Variants in KIRREL3 observed in about 807,000 individuals in gnomAD.
KIRREL3 encodes kin of IRRE-like protein 3.
In KIRREL3, 36 loss-of-function variants were observed where a neutral mutation model predicts 89.7. The observed-to-expected ratio is 0.40, with a 90% CI of 0.31 to 0.53. The LOEUF (loss-of-function observed/expected upper bound fraction) is 0.53, where lower values mean the gene tolerates loss of function less well. Among genes scored for constraint, KIRREL3 ranks in the 20% least tolerant of loss-of-function variants. The pLI is 0.49. For missense variants in KIRREL3, 864 were observed against 1,056.6 expected (o/e 0.82, Z 2.53); for synonymous variants, 445 against 441.4 (o/e 1.01, Z -0.10).
rs1433327532 is a variant in KIRREL3, at chr11:126,555,169, C to A, written c.133+7666G>T. Among the ~76,000 whole-genome samples, 1 of 152,144 alleles carries A rather than the reference C, an allele frequency of 6.6e-6. No individual in the cohort carries two copies. Among genetic ancestry groups the A allele is most frequent in the African/African-American group, 2.4e-5 (1 of 41,428 alleles). ...GACACTGCTGTGGGGCCGCACAGAG[C>A]CTGCTTCTGCCAGAGATGAGTGACT... On this transcript the variant is annotated intron_variant, in intron 2 of 16. Transcript: ENST00000525144. The surrounding 1 kb of genome is among the most constrained non-coding windows in gnomAD (Gnocchi z 4.2).
At chr11:126,932,646 T>A (rs1233300330) in intron 1 of KIRREL3, among the ~76,000 whole-genome samples, 1 of 152,222 alleles carries the variant, frequency 6.6e-6, no homozygotes, top group Admixed American at 6.5e-5. Flanking sequence ...CCAGGAAATG[T>A]GCTTCTGCTG....
Position 126,994,724 on chromosome 11 carries a change from G to A in KIRREL3, c.55+5731C>T, listed in dbSNP as rs1418662037. ...AAGCTATGAGTGAATGAAAGTTAAC[G>A]TGCAGTAGGGGGAGGTTCAATGGGG... On this transcript the variant is annotated intron_variant, in intron 1 of 16. Transcript: ENST00000525144. This position sits in a 1 kb window ranked among gnomAD's most constrained non-coding sequence, Gnocchi z 5.2. Among the ~76,000 whole-genome samples the A allele has an allele frequency of 1.3e-5, 2 of 152,156 alleles. No homozygotes were observed. The highest frequency in any genetic ancestry group is 2.9e-5 in the Non-Finnish European group (2 of 68,028).
intron 1 of KIRREL3, among the ~76,000 whole-genome samples, chr11:126,716,762 A>T (rs12276142): frequency 7.7e-6 from 1 of 129,832 alleles, no homozygotes; most frequent in African/African-American, 3.2e-5. Flanking sequence ...GGGGGGGGGA[A>T]GTGTGGGGGA....
chr11:126,900,690 G>T lies in KIRREL3; in HGVS notation c.55+99765C>A, dbSNP rs914452513. ...GTCAAACTTTAAAGTATAATATGCC[G>T]TGATCTTGTTAAAATCTTTCCTGTA... is the stretch of plus-strand genomic sequence containing the variant. On this transcript the variant is annotated intron_variant, in intron 1 of 16. Coordinates refer to ENST00000525144, the MANE Select transcript of KIRREL3 (RefSeq NM_032531.4). The surrounding 1 kb of genome is among the most constrained non-coding windows in gnomAD (Gnocchi z 4.4). 6.6e-6 allele frequency among the ~76,000 whole-genome samples: 1 copy of T among 152,164 alleles called. No individual in the cohort carries two copies. Among genetic ancestry groups the T allele is most frequent in the East Asian group, 1.9e-4 (1 of 5,200 alleles).
At chr11:126,857,369 T>A (rs1046437732) in intron 1 of KIRREL3, among the ~76,000 whole-genome samples, 2 of 152,252 alleles carry the variant, frequency 1.3e-5, no homozygotes, top group East Asian at 3.8e-4. Context: ...CTTGGCAGTT[T>A]ATTTAGCCAA....
chr11:126,532,071 A>G (rs55914321), intron 2 of KIRREL3, among the ~76,000 whole-genome samples: 8,110 of 152,326 alleles, frequency 0.053, 641 homozygotes, highest in African/African-American at 0.17. Context: ...ACTGCTGTTC[A>G]TGGAAGATTT....
At chr11:126,544,000 CG>C (rs1364030839) in intron 2 of KIRREL3, 1 of 152,646 alleles carries the variant, frequency 6.6e-6, no homozygotes, top group African/African-American at 2.4e-5. Flanking sequence ...TGCTGGGGCA[CG>C]GGGTCAGGGG....
chr11:126,632,453 G>T (rs959785110), intron 1 of KIRREL3, among the ~76,000 whole-genome samples: 1 of 152,174 alleles, frequency 6.6e-6, no homozygotes, highest in African/African-American at 2.4e-5. Flanking sequence ...GTTCAATTAA[G>T]TTATGATCTC....
rs558253868 is a variant in KIRREL3, at chr11:126,455,231, A to G, written c.848+1118T>C. Among the ~76,000 whole-genome samples, 1 of 152,332 alleles carries G rather than the reference A, an allele frequency of 6.6e-6. No individual in the cohort carries two copies. The highest frequency in any genetic ancestry group is 2.4e-5 in the African/African-American group (1 of 41,574). ...ACCAGGCTGAGTCAGGGCCATGGCA[A>G]GTTCCACGTGGCACCCAAAAGGAGG... On this transcript the variant is annotated intron_variant, in intron 7 of 16. Transcript: ENST00000525144. This position sits in a 1 kb window ranked among gnomAD's most constrained non-coding sequence, Gnocchi z 6.4.
chr11:126,861,064 T>G (rs188756624), intron 1 of KIRREL3, among the ~76,000 whole-genome samples: 45 of 152,314 alleles, frequency 3.0e-4, no homozygotes, highest in African/African-American at 1.1e-3. Context: ...TGTTCTCACA[T>G]GGGTAGGGAA....
chr11:126,778,009 C>A lies in KIRREL3; in HGVS notation c.56-215097G>T, dbSNP rs181744773. Among the ~76,000 whole-genome samples, 206 of 149,686 alleles carry A rather than the reference C, an allele frequency of 1.4e-3. No individual in the cohort carries two copies. Among genetic ancestry groups the A allele is most frequent in the African/African-American group, 4.7e-3 (190 of 40,804 alleles). ...ACTGGGGACGGCTTCCCCCTACTCT[C>A]TTTTCCTGGTATATGAGAAATACAT... On this transcript the variant is annotated intron_variant, in intron 1 of 16. Transcript: ENST00000525144. This position sits in a 1 kb window ranked among gnomAD's most constrained non-coding sequence, Gnocchi z 4.5.
Position 126,617,709 on chromosome 11 carries a change from C to T in KIRREL3, c.56-54797G>A, listed in dbSNP as rs374435956. Among the ~76,000 whole-genome samples, 190 of 152,300 alleles carry T rather than the reference C, an allele frequency of 1.2e-3. 5 individuals are homozygous for T. In the South Asian group the frequency reaches 0.036, roughly 29 times the overall value. On this transcript the variant is annotated intron_variant, in intron 1 of 16. Transcript: ENST00000525144. ...AGCTTTATAAACATTCCCCACAACC[C>T]AGCAAGATAGGCATTTTTATCCCCA...
chr11:126,427,375 G>A lies in KIRREL3; in HGVS notation c.1807-1651C>T, dbSNP rs946761759. ...GAAGCTGACATGGAATTGGGGGAAT[G>A]CACTATAAAGGAGGCACATACAAAG... On this transcript the variant is annotated intron_variant, in intron 15 of 16. Coordinates refer to ENST00000525144, the MANE Select transcript of KIRREL3 (RefSeq NM_032531.4). The surrounding 1 kb of genome is among the most constrained non-coding windows in gnomAD (Gnocchi z 5.3). Among the ~76,000 whole-genome samples, 2 of 147,022 alleles carry A rather than the reference G, an allele frequency of 1.4e-5. No homozygotes were observed. The highest frequency in any genetic ancestry group is 4.5e-4 in the South Asian group (2 of 4,462).
At chr11:126,580,837 T>G (rs1941506756) in intron 1 of KIRREL3, among the ~76,000 whole-genome samples, 1 of 22,600 alleles carries the variant, frequency 4.4e-5, no homozygotes, top group South Asian at 4.5e-3. Context: ...GAATTTCCTG[T>G]TTTTTTTTTT....
In KIRREL3 at chr11:126,891,678, C is replaced by T. The variant is rs563506156; in HGVS notation, c.55+108777G>A. 6.6e-6 allele frequency among the ~76,000 whole-genome samples: 1 copy of T among 152,350 alleles called. No individual in the cohort carries two copies. The highest frequency in any genetic ancestry group is 2.1e-4 in the South Asian group (1 of 4,822). On this transcript the variant is annotated intron_variant, in intron 1 of 16. Transcript: ENST00000525144. This position sits in a 1 kb window ranked among gnomAD's most constrained non-coding sequence, Gnocchi z 5.1. ...ACAGACTTCAGAAATCACACCAAAG[C>T]AGCTTGGCTTCTAAGATGCAGCCCT...
intron 1 of KIRREL3, among the ~76,000 whole-genome samples, chr11:126,973,036 AC>A (rs1253065410): frequency 6.8e-6 from 1 of 146,894 alleles, no homozygotes. Flanking sequence ...GCATTGCTGA[AC>A]CCAGAGAGAC....
Position 126,521,104 on chromosome 11 carries a change from T to C in KIRREL3, c.433+211A>G, listed in dbSNP as rs1179373465. On this transcript the variant is annotated intron_variant, in intron 4 of 16. Coordinates refer to ENST00000525144, the MANE Select transcript of KIRREL3 (RefSeq NM_032531.4). This position sits in a 1 kb window ranked among gnomAD's most constrained non-coding sequence, Gnocchi z 4.1. The stretch of plus-strand genomic sequence containing the variant: ...GGGGTTGGACTGAGTCCGCTGGCAT[T>C]GGCTGTCTGGTTTACTAGGGAAAGA... Among the ~76,000 whole-genome samples the C allele has an allele frequency of 1.3e-5, 2 of 152,230 alleles. No homozygotes were observed. Among genetic ancestry groups the C allele is most frequent in the Admixed American group, 6.5e-5 (1 of 15,284 alleles).
At chr11:126,789,700 T>C (rs943318631) in intron 1 of KIRREL3, among the ~76,000 whole-genome samples, 3 of 152,196 alleles carry the variant, frequency 2.0e-5, no homozygotes, top group African/African-American at 7.2e-5. Context: ...TAGTCCAAAC[T>C]TCTCCAGATT....
chr11:126,982,652 C>T (rs367807923), intron 1 of KIRREL3, among the ~76,000 whole-genome samples: 3 of 152,294 alleles, frequency 2.0e-5, no homozygotes, highest in African/African-American at 4.8e-5. Context: ...CACCTCCAGG[C>T]GTGACTCTTT....
Sources: gnomAD v4.1 joint callset for allele counts (sites outside exome capture counted in the v4.1 genomes callset) on GRCh38, gnomAD v4.1.1 for gene constraint, Gnocchi (gnomAD v3.1) non-coding constraint, MANE v1.5 for transcripts, NCBI Gene and HGNC (gene_info 2026-07-23, HGNC 2026-07-21) for gene names.